Variants in RORB observed in about 807,000 individuals in gnomAD.
RORB encodes RAR related orphan receptor B.
Under a neutral mutation model 59.1 loss-of-function variants are expected in RORB, and 6 were observed. That is an observed-to-expected ratio of 0.10 (90% confidence interval 0.06 to 0.20). The LOEUF (loss-of-function observed/expected upper bound fraction) is 0.20, where lower values mean the gene tolerates loss of function less well. RORB is among the 10% of genes least tolerant of loss of function. The probability of loss-of-function intolerance (pLI) is 1.00; values close to 1 mark genes in which losing one functional copy is unlikely to be tolerated. For synonymous variants in RORB, 215 were observed against 204.5 expected (o/e 1.05, Z -0.44); for missense variants, 320 against 560.5 (o/e 0.57, Z 4.33).
chr9:74,625,226 C>A (rs1823490171), intron 1 of RORB, among the ~76,000 whole-genome samples: 1 of 152,022 alleles, frequency 6.6e-6, no homozygotes, highest in East Asian at 1.9e-4. Context: ...CATTTAATTG[C>A]CAATGGGTGT....
intron 1 of RORB, among the ~76,000 whole-genome samples, chr9:74,613,137 A>G (rs1823257692): frequency 6.6e-6 from 1 of 152,218 alleles, no homozygotes; most frequent in South Asian, 2.1e-4. Flanking sequence ...CACGATGAAC[A>G]AAGGCATGAA....
chr9:74,502,277 G>C (rs1040932947), intron 1 of RORB, among the ~76,000 whole-genome samples: 3 of 151,984 alleles, frequency 2.0e-5, no homozygotes, highest in African/African-American at 7.2e-5. Flanking sequence ...TGGTCTTCAT[G>C]AAAATGACAT....
intron 4 of RORB, among the ~76,000 whole-genome samples, chr9:74,646,264 C>T (rs1005373205): frequency 1.3e-5 from 2 of 152,046 alleles, no homozygotes; most frequent in African/African-American, 2.4e-5. Context: ...AAAAGCAGAT[C>T]GCTTTTAAAA....
rs1826254356 is a variant in RORB, at chr9:74,532,342, A to C, written c.7+34359A>C. 4.0e-5 allele frequency among the ~76,000 whole-genome samples: 6 copies of C among 151,356 alleles called. 1 individual carries two copies. In the South Asian group the frequency reaches 1.2e-3, roughly 31 times the overall value. ...TTCTGATATCCAGCTCCAAAGCACC[A>C]CTCTAAGTTTCCCTTCCCACTCTCC... is the stretch of plus-strand genomic sequence containing the variant. On this transcript the variant is annotated intron_variant, in intron 1 of 9. Coordinates refer to ENST00000376896, the MANE Select transcript of RORB (RefSeq NM_006914.4).
At chr9:74,679,857 G>A (rs1824515237) in intron 9 of RORB, among the ~76,000 whole-genome samples, 1 of 152,072 alleles carries the variant, frequency 6.6e-6, no homozygotes. Flanking sequence ...CAGCACTTTG[G>A]GAGGCCGAGG....
intron 4 of RORB, among the ~76,000 whole-genome samples, chr9:74,652,030 T>C (rs564711252): frequency 6.6e-4 from 100 of 152,354 alleles, no homozygotes; most frequent in African/African-American, 2.3e-3. Flanking sequence ...TTCCTGCTTG[T>C]AATTTTTTCC....
intron 1 of RORB, among the ~76,000 whole-genome samples, chr9:74,510,718 TA>T (rs1313693637): frequency 6.6e-6 from 1 of 152,142 alleles, no homozygotes; most frequent in African/African-American, 2.4e-5. Flanking sequence ...TAAACAGTTT[TA>T]AAATGTAGTT....
chr9:74,587,684 G>A (rs145196160), intron 1 of RORB, among the ~76,000 whole-genome samples: 143 of 152,268 alleles, frequency 9.4e-4, no homozygotes, highest in Middle Eastern at 6.8e-3. Context: ...CAGCTGGCAT[G>A]ACTTATCCTC....
At chr9:74,677,607 C>T (rs958248918) in intron 9 of RORB, among the ~76,000 whole-genome samples, 9 of 152,102 alleles carry the variant, frequency 5.9e-5, no homozygotes, top group East Asian at 5.8e-4. Context: ...GAGGTTCAGA[C>T]GAGAGGGAGA....
chr9:74,674,910 G>A (rs911854060), intron 9 of RORB, among the ~76,000 whole-genome samples: 1 of 152,244 alleles, frequency 6.6e-6, no homozygotes, highest in African/African-American at 2.4e-5. Context: ...TTCCTCATTT[G>A]TACCATATGA....
At chr9:74,637,948 C>T (rs774118057) in intron 3 of RORB, among the ~76,000 whole-genome samples, 5 of 151,804 alleles carry the variant, frequency 3.3e-5, no homozygotes, top group African/African-American at 9.7e-5. Flanking sequence ...GGAGTTCTGT[C>T]GGAGAAAAAG....
chr9:74,646,675 T>C (rs1017100476), intron 4 of RORB, among the ~76,000 whole-genome samples: 2 of 152,174 alleles, frequency 1.3e-5, no homozygotes, highest in African/African-American at 4.8e-5. Context: ...GAGAGTTAAG[T>C]GATAAAGCTT....
chr9:74,600,097 G>A (rs1823031875), intron 1 of RORB, among the ~76,000 whole-genome samples: 1 of 152,126 alleles, frequency 6.6e-6, no homozygotes, highest in African/African-American at 2.4e-5. Context: ...ACTTAGGGCC[G>A]CTCTGGACAT....
chr9:74,653,334 A>G (rs1563965047), intron 4 of RORB, among the ~76,000 whole-genome samples: 2 of 152,202 alleles, frequency 1.3e-5, no homozygotes, highest in South Asian at 4.1e-4. Flanking sequence ...TTTTCGCACT[A>G]GTAGTATAAA....
intron 1 of RORB, among the ~76,000 whole-genome samples, chr9:74,619,240 C>G (rs1240349296): frequency 6.6e-6 from 1 of 152,186 alleles, no homozygotes; most frequent in Non-Finnish European, 1.5e-5. Flanking sequence ...TTTCCAAGAC[C>G]TGGCTCAAAA....
At chr9:74,553,836 T>C (rs1422030539) in intron 1 of RORB, among the ~76,000 whole-genome samples, 2 of 152,186 alleles carry the variant, frequency 1.3e-5, no homozygotes, top group Non-Finnish European at 2.9e-5. Context: ...GAGCCAGTTT[T>C]AGTTTTCTTG....
intron 4 of RORB, among the ~76,000 whole-genome samples, chr9:74,646,677 A>G (rs557472711): frequency 6.6e-6 from 1 of 152,340 alleles, no homozygotes; most frequent in African/African-American, 2.4e-5. Flanking sequence ...GAGTTAAGTG[A>G]TAAAGCTTAA....
intron 1 of RORB, among the ~76,000 whole-genome samples, chr9:74,620,170 C>T (rs1823389251): frequency 1.3e-5 from 2 of 152,102 alleles, no homozygotes; most frequent in African/African-American, 4.8e-5. Flanking sequence ...TCCGTCTGGT[C>T]CTGGACTTTT....
chr9:74,604,579 TTTCAACCATAAGATAATAA>T (rs1346050365), intron 1 of RORB, among the ~76,000 whole-genome samples: 1 of 152,230 alleles, frequency 6.6e-6, no homozygotes, highest in Admixed American at 6.5e-5. Context: ...AGCTCTTAAT[TTTCAACCATAAGATAATAA>T]TTCAACATTT....
Sources: gnomAD v4.1 joint callset for allele counts (sites outside exome capture counted in the v4.1 genomes callset) on GRCh38, gnomAD v4.1.1 for gene constraint, MANE v1.5 for transcripts, NCBI Gene and HGNC (gene_info 2026-07-23, HGNC 2026-07-21) for gene names.